The following STARD7 variants were observed in gnomAD, a reference collection of about 807,000 sequenced individuals.
The protein encoded by STARD7 is stAR-related lipid transfer protein 7, mitochondrial.
In STARD7, 30 loss-of-function variants were observed where a neutral mutation model predicts 45.3. The ratio of observed to expected loss-of-function variants is 0.66; its 90% CI spans 0.50 to 0.90. The LOEUF (loss-of-function observed/expected upper bound fraction) is 0.90. Ranked by LOEUF, STARD7 falls within the 40% of genes least tolerant of loss-of-function variation. STARD7 has a pLI of 0.00. For synonymous variants in STARD7, 199 were observed against 183.0 expected (o/e 1.09, Z -0.70); for missense variants, 495 against 491.3 (o/e 1.01, Z -0.07).
chr2:96,204,848 G>A (rs1021184887), intron 1 of STARD7, among the ~76,000 whole-genome samples: 2 of 151,486 alleles, frequency 1.3e-5, no homozygotes, highest in African/African-American at 4.9e-5. Context: ...CGAATGCCCT[G>A]AAAGACAGAA....
intron 3 of STARD7, among the ~76,000 whole-genome samples, chr2:96,193,979 C>A (rs1004324894): frequency 2.0e-5 from 3 of 152,180 alleles, no homozygotes; most frequent in Admixed American, 2.0e-4. Flanking sequence ...GAACTCTGGG[C>A]GATCCCACCT....
At position 96,208,271 on chromosome 2, in the gene STARD7, C is replaced by T. The variant is rs375153536; in HGVS notation, c.164G>A (p.Arg55His). The change falls in exon 1 of 8, where the codon CGC (arginine) becomes CAC (histidine). Residue 55 changes from arginine (R) to histidine (H), a missense_variant. Around this residue, in one of 2 missense-constraint regions of STARD7, gnomAD observed 282 missense variants for 220.1 expected, o/e 1.28. Coordinates refer to ENST00000337288, the MANE Select transcript of STARD7 (RefSeq NM_020151.4). ...YGRLYSESSR[R>H]VLLGRLWRRL... Reference sequence around the variant, plus strand: ...GCGCCAGAGGCGGCCGAGGAGAACGCGGCGTGAGCTCTCGGAGTAGAGGCG... The same window carrying T: ...GCGCCAGAGGCGGCCGAGGAGAACGTGGCGTGAGCTCTCGGAGTAGAGGCG... The T allele has an allele frequency of 7.4e-6, 12 of 1,611,444 alleles. No homozygotes were observed. The highest frequency in any genetic ancestry group is 1.0e-5 in the Non-Finnish European group (12 of 1,179,394).
intron 1 of STARD7, among the ~76,000 whole-genome samples, chr2:96,207,432 T>C (rs1683411376): frequency 6.6e-6 from 1 of 152,168 alleles, no homozygotes; most frequent in Non-Finnish European, 1.5e-5. Flanking sequence ...AAGCAAAGTT[T>C]CCCCATGACA....
chr2:96,189,002 T>G (rs1052063501), intron 6 of STARD7, among the ~76,000 whole-genome samples: 5 of 151,730 alleles, frequency 3.3e-5, no homozygotes, highest in Admixed American at 2.6e-4. Flanking sequence ...CAGTCTGGAG[T>G]GCAGTGATGC....
At chr2:96,197,076 TAAAA>T (rs1683226046) in intron 1 of STARD7, among the ~76,000 whole-genome samples, 3 of 118,152 alleles carry the variant, frequency 2.5e-5, no homozygotes, top group Admixed American at 8.7e-5. Context: ...CAAAATAAAA[TAAAA>T]TAAAATAAAA....
intron 6 of STARD7, among the ~76,000 whole-genome samples, chr2:96,191,579 C>T (rs561322859): frequency 1.3e-5 from 2 of 152,172 alleles, no homozygotes; most frequent in South Asian, 4.1e-4. Flanking sequence ...TGGCTCATTC[C>T]TATCTTTGTC....
chr2:96,194,167 C>T (rs932382415), intron 3 of STARD7, among the ~76,000 whole-genome samples: 1 of 152,054 alleles, frequency 6.6e-6, no homozygotes, highest in Non-Finnish European at 1.5e-5. Flanking sequence ...CAAGACCAGC[C>T]TAGGAGACAT....
At chr2:96,205,789 AGTT>A (rs1159378861) in intron 1 of STARD7, among the ~76,000 whole-genome samples, 5 of 152,248 alleles carry the variant, frequency 3.3e-5, no homozygotes, top group African/African-American at 1.2e-4. Context: ...ACCAAGATGT[AGTT>A]GTTGAATAGC....
At position 96,208,671 on chromosome 2, in the gene STARD7, G is replaced by A; in HGVS notation, c.-237C>T. On this transcript the variant is annotated 5_prime_UTR_variant, in exon 1 of 8. Transcript: ENST00000337288. The stretch of plus-strand genomic sequence containing the variant: ...GATGGCTCCGCGACTGCTACACCAG[G>A]CACTCCTGGGCCCGGGCAGCAGACC... 2.2e-6 allele frequency: 1 copy of A among 453,284 alleles called. No individual in the cohort carries two copies. The highest frequency in any genetic ancestry group is 3.9e-6 in the Non-Finnish European group (1 of 259,222). 28.1% of individuals were successfully genotyped at this position (453,284 alleles called of 1,614,324 possible).
rs1391654428 is a variant in STARD7 at position 96,185,867 on chromosome 2, A to C, written c.*863T>G. On this transcript the variant is annotated 3_prime_UTR_variant, in exon 8 of 8. Coordinates refer to ENST00000337288, the MANE Select transcript of STARD7 (RefSeq NM_020151.4). ...ACTCCTATTTGACACAAAAGTTAAA[A>C]AATTTTTAAACTAAATTTAAATGTG... 1 of 152,258 alleles carries C rather than the reference A, an allele frequency of 6.6e-6. No homozygotes were observed. Among genetic ancestry groups the C allele is most frequent in the Non-Finnish European group, 1.5e-5 (1 of 68,052 alleles). 9.4% of individuals were successfully genotyped at this position (152,258 alleles called of 1,614,324 possible).
At chr2:96,192,307 G>C in intron 6 of STARD7, 62 bp downstream of exon 6, 1 of 1,266,542 alleles carries the variant, frequency 7.9e-7, no homozygotes, top group African/African-American at 1.5e-5. Flanking sequence ...GTTCAGGTAA[G>C]ACATCCCTTG....
In STARD7 at chr2:96,194,967, G is replaced by A. The variant is rs539795637; in HGVS notation, c.540C>T (p.Phe180=). ...TYTDVTPRQF[F]NVQLDTEYRK... ...AGAAAAATTAACTCACCTGAACATT[G>A]AAGAACTGCCGAGGTGTCACATCTG... Residue 180 remains phenylalanine, a synonymous_variant, in exon 3 of 8, where the codon TTC becomes TTT. Coordinates refer to ENST00000337288, the MANE Select transcript of STARD7 (RefSeq NM_020151.4). The A allele has an allele frequency of 6.2e-7, 1 of 1,609,996 alleles. No homozygotes were observed. Among genetic ancestry groups the A allele is most frequent in the South Asian group, 1.1e-5 (1 of 89,826 alleles).
At chr2:96,197,100 A>AAACTAAACAAC (rs1162445956) in intron 1 of STARD7, among the ~76,000 whole-genome samples, 2 of 139,994 alleles carry the variant, frequency 1.4e-5, no homozygotes, top group East Asian at 2.5e-4. Flanking sequence ...ATAAAATAAA[A>AAACTAAACAAC]TAAAATAAAA....
intron 1 of STARD7, among the ~76,000 whole-genome samples, chr2:96,195,828 C>A (rs899446178): frequency 2.6e-5 from 4 of 152,028 alleles, no homozygotes; most frequent in African/African-American, 9.7e-5. Context: ...TACAAAGTGT[C>A]AAGTGCTGCA....
chr2:96,193,073 C>A lies in STARD7; in HGVS notation c.743+5G>T, dbSNP rs1683149825. On this transcript the variant is annotated splice_donor_5th_base_variant and intron_variant, in intron 5 of 7. Transcript: ENST00000337288. ...TCGGCAACAGCCACAGGCAGCCATA[C>A]ATACCGCGACACCAACACCATCATG... 1 of 1,610,008 alleles carries A rather than the reference C, an allele frequency of 6.2e-7. No individual in the cohort carries two copies. The highest frequency in any genetic ancestry group is 1.3e-5 in the African/African-American group (1 of 74,852).
chr2:96,192,874 A>G (rs909943252), intron 5 of STARD7, among the ~76,000 whole-genome samples: 2 of 152,222 alleles, frequency 1.3e-5, no homozygotes, highest in African/African-American at 4.8e-5. Flanking sequence ...AGAACCCAAA[A>G]AAACAGTTTA....
At position 96,186,502 on chromosome 2, in the gene STARD7, C is replaced by T. The variant is rs753593611; in HGVS notation, c.*228G>A. Reference sequence around the variant, plus strand: ...CTCAGTGAGATACCGAATTTCAAAACAGTTGGCCTGAGAATATGACAACAC... The same window carrying T: ...CTCAGTGAGATACCGAATTTCAAAATAGTTGGCCTGAGAATATGACAACAC... On this transcript the variant is annotated 3_prime_UTR_variant, in exon 8 of 8. Coordinates refer to ENST00000337288, the MANE Select transcript of STARD7 (RefSeq NM_020151.4). 4 of 403,698 alleles carry T rather than the reference C, an allele frequency of 9.9e-6. No homozygotes were observed. Among genetic ancestry groups the T allele is most frequent in the Non-Finnish European group, 1.3e-5 (3 of 228,614 alleles). 25.0% of individuals were successfully genotyped at this position (403,698 alleles called of 1,614,324 possible). A position where few individuals can be genotyped will look rare whatever the true frequency, so the allele number is the denominator to read the frequency against.
chr2:96,190,244 A>C (rs1000871984), intron 6 of STARD7, among the ~76,000 whole-genome samples: 2 of 152,204 alleles, frequency 1.3e-5, no homozygotes, highest in Non-Finnish European at 2.9e-5. Flanking sequence ...GGCTTGAGCC[A>C]ACAAGAAGAC....
rs554052175 is a variant in STARD7, at chr2:96,208,236, C to A, written c.199G>T (p.Gly67Cys). 3 of 1,612,346 alleles carry A rather than the reference C, an allele frequency of 1.9e-6. No individual in the cohort carries two copies. Among genetic ancestry groups the A allele is most frequent in the East Asian group, 2.2e-5 (1 of 44,844 alleles). The change falls in exon 1 of 8, where the codon GGC becomes TGC. Residue 67 changes from glycine (G) to cysteine (C), a missense_variant. Coordinates refer to ENST00000337288, the MANE Select transcript of STARD7 (RefSeq NM_020151.4). ...LLGRLWRRLHGRPGHASALMA... is the reference protein window; with the variant it reads ...LLGRLWRRLHCRPGHASALMA... ...AAGGCAGAGGCATGGCCAGGACGGC[C>A]GTGCAGCCGGCGCCAGAGGCGGCCG...
Sources: allele counts gnomAD v4.1 joint callset (sites outside exome capture counted in the v4.1 genomes callset), GRCh38; gene constraint gnomAD v4.1.1; regional missense constraint gnomAD v4.1.1; transcripts MANE v1.5; gene names NCBI Gene and HGNC (gene_info 2026-07-23, HGNC 2026-07-21).